NLGN1: variants seen among roughly 807,000 people sequenced by gnomAD.
The protein encoded by NLGN1 is neuroligin-1.
Under a neutral mutation model 65.5 loss-of-function variants are expected in NLGN1, and 12 were observed. That is an observed-to-expected ratio of 0.18 (90% confidence interval 0.12 to 0.30). The LOEUF (loss-of-function observed/expected upper bound fraction) is 0.30, where lower values mean the gene tolerates loss of function less well. Ranked by LOEUF, NLGN1 falls within the 10% of genes least tolerant of loss-of-function variation. NLGN1 has a pLI of 1.00. For missense variants in NLGN1, 750 were observed against 1,007.1 expected (o/e 0.74, Z 3.46); for synonymous variants, 350 against 359.5 (o/e 0.97, Z 0.30).
chr3:173,976,049 C>T (rs1035516101), intron 4 of NLGN1, among the ~76,000 whole-genome samples: 30 of 151,994 alleles, frequency 2.0e-4, no homozygotes, highest in African/African-American at 7.0e-4. Context: ...GTAATCCCAA[C>T]TGAGTGATAT....
intron 3 of NLGN1, among the ~76,000 whole-genome samples, chr3:173,737,294 G>A (rs1395892778): frequency 1.3e-5 from 2 of 151,756 alleles, no homozygotes; most frequent in African/African-American, 4.8e-5. Flanking sequence ...CCTATTTAAG[G>A]TGTATGATTC....
In NLGN1 at chr3:173,807,848, CTT is replaced by C. The variant is rs1716999013; in HGVS notation, c.646+19_646+20del. The C allele has an allele frequency of 3.7e-6, 6 of 1,608,828 alleles. No homozygotes were observed. Among genetic ancestry groups the C allele is most frequent in the Non-Finnish European group, 5.1e-6 (6 of 1,175,500 alleles). ...GGAGTACTCGGTAAGAAGAGTCTCTCTTTTGTTTTCACCATGAATCCATGAAG... is the reference window on the plus strand; with the variant it reads ...GGAGTACTCGGTAAGAAGAGTCTCTCTTGTTTTCACCATGAATCCATGAAG... On this transcript the variant is annotated intron_variant, in intron 4 of 6. Coordinates refer to ENST00000457714, the Ensembl canonical transcript of NLGN1.
intron 4 of NLGN1, among the ~76,000 whole-genome samples, chr3:174,225,492 G>A (rs1312306307): frequency 2.6e-5 from 4 of 152,190 alleles, no homozygotes; most frequent in East Asian, 1.9e-4. Context: ...AGCACTTTGG[G>A]AGGCCGAGGC....
intron 3 of NLGN1, among the ~76,000 whole-genome samples, chr3:173,673,730 T>G (rs536666584): frequency 6.6e-6 from 1 of 152,296 alleles, no homozygotes. Context: ...GTACTTTTTT[T>G]GTTTTTTTAA....
intron 4 of NLGN1, among the ~76,000 whole-genome samples, chr3:173,895,433 A>G (rs1040122917): frequency 6.6e-6 from 1 of 152,178 alleles, no homozygotes; most frequent in South Asian, 2.1e-4. Context: ...TGTGAGGCAA[A>G]GAGAAGCCAA....
intron 3 of NLGN1, among the ~76,000 whole-genome samples, chr3:173,787,871 G>T (rs138542089): frequency 1.3e-4 from 20 of 152,266 alleles, no homozygotes; most frequent in Non-Finnish European, 2.5e-4. Flanking sequence ...ATTGCTTCTT[G>T]CAGTGTTGGT....
At chr3:174,192,762 T>G (rs1732640352) in intron 4 of NLGN1, among the ~76,000 whole-genome samples, 1 of 152,176 alleles carries the variant, frequency 6.6e-6, no homozygotes, top group East Asian at 1.9e-4. Context: ...TTTATTTGCC[T>G]ATGAAAAGCA....
intron 4 of NLGN1, among the ~76,000 whole-genome samples, chr3:174,193,477 C>T (rs1328244783): frequency 6.6e-6 from 1 of 152,088 alleles, no homozygotes; most frequent in African/African-American, 2.4e-5. Flanking sequence ...TTTTGAACTG[C>T]GAGGTTTCAA....
At chr3:173,790,219 C>T (rs924100459) in intron 3 of NLGN1, among the ~76,000 whole-genome samples, 1 of 151,172 alleles carries the variant, frequency 6.6e-6, no homozygotes, top group Non-Finnish European at 1.5e-5. Context: ...TGTATGTATC[C>T]CAGTGAAGCA....
At chr3:173,870,998 A>G (rs1731064970) in intron 4 of NLGN1, among the ~76,000 whole-genome samples, 3 of 152,200 alleles carry the variant, frequency 2.0e-5, no homozygotes, top group African/African-American at 7.2e-5. Context: ...AGACCAAGCC[A>G]TAATTAAGAG....
At chr3:174,116,283 A>G (rs999392315) in intron 4 of NLGN1, among the ~76,000 whole-genome samples, 4 of 144,842 alleles carry the variant, frequency 2.8e-5, no homozygotes, top group Non-Finnish European at 4.5e-5. Flanking sequence ...CACAAGTTCT[A>G]TATGCTGCAT....
chr3:173,554,485 G>T (rs1326415783), intron 2 of NLGN1, among the ~76,000 whole-genome samples: 1 of 152,052 alleles, frequency 6.6e-6, no homozygotes, highest in African/African-American at 2.4e-5. Flanking sequence ...CAGTCAGTTT[G>T]TAACACCTGC....
intron 4 of NLGN1, among the ~76,000 whole-genome samples, chr3:174,214,662 T>G (rs1479323224): frequency 6.6e-6 from 1 of 152,164 alleles, no homozygotes; most frequent in African/African-American, 2.4e-5. Context: ...CTGTGTGCAG[T>G]TAAAATTCTC....
At chr3:173,899,864 G>C (rs945543099) in intron 4 of NLGN1, among the ~76,000 whole-genome samples, 2 of 151,914 alleles carry the variant, frequency 1.3e-5, no homozygotes, top group African/African-American at 4.8e-5. Context: ...TCTTTAACTT[G>C]AATCAAATTC....
chr3:174,049,063 T>A (rs937682087), intron 4 of NLGN1, among the ~76,000 whole-genome samples: 1 of 151,358 alleles, frequency 6.6e-6, no homozygotes, highest in African/African-American at 2.4e-5. Context: ...AGTAAAAAAA[T>A]TAAAAATTAC....
At chr3:173,562,760 A>G (rs147619157) in intron 2 of NLGN1, among the ~76,000 whole-genome samples, 16 of 152,286 alleles carry the variant, frequency 1.1e-4, no homozygotes, top group African/African-American at 3.1e-4. Flanking sequence ...ACTGGGTCTC[A>G]TCTTATCTGT....
At position 173,638,599 on chromosome 3, in the gene NLGN1, G is replaced by A. The variant is rs184493171; in HGVS notation, c.493+33508G>A. On this transcript the variant is annotated intron_variant, in intron 3 of 6. Transcript: ENST00000457714. ...TTTATTTGTCTTTTGTAAAATGTAC[G>A]TACCACACAAGAATTAATGACCAAT... Among the ~76,000 whole-genome samples, 205 of 152,100 alleles carry A rather than the reference G, an allele frequency of 1.3e-3. 1 individual carries two copies. Among genetic ancestry groups the A allele is most frequent in the Non-Finnish European group, 2.0e-3 (138 of 68,010 alleles).
intron 4 of NLGN1, among the ~76,000 whole-genome samples, chr3:173,828,605 G>A (rs761183520): frequency 1.3e-5 from 2 of 152,122 alleles, no homozygotes; most frequent in Non-Finnish European, 2.9e-5. Context: ...TACAAAGTAT[G>A]TTTGATAGTG....
chr3:174,193,354 T>G (rs1732745822), intron 4 of NLGN1, among the ~76,000 whole-genome samples: 1 of 152,190 alleles, frequency 6.6e-6, no homozygotes, highest in Non-Finnish European at 1.5e-5. Context: ...AGCTTTTCAC[T>G]TAAAACCCTC....
Sources: allele counts gnomAD v4.1 joint callset (sites outside exome capture counted in the v4.1 genomes callset), GRCh38; gene constraint gnomAD v4.1.1; transcripts MANE v1.5; gene names NCBI Gene and HGNC (gene_info 2026-07-23, HGNC 2026-07-21).